Variants in WDR19 observed in about 807,000 individuals in gnomAD.
The protein encoded by WDR19 is WD repeat domain 19, also known as WD repeat-containing protein 19.
Under a neutral mutation model 180.0 loss-of-function variants are expected in WDR19, and 121 were observed. The ratio of observed to expected loss-of-function variants is 0.67; its 90% CI spans 0.58 to 0.78. The LOEUF (loss-of-function observed/expected upper bound fraction) is 0.78. Among genes scored for constraint, WDR19 ranks in the 30% least tolerant of loss-of-function variants. WDR19 has a pLI of 0.00. For missense variants in WDR19, 1,450 were observed against 1,640.7 expected (o/e 0.88, Z 2.01); for synonymous variants, 497 against 540.7 (o/e 0.92, Z 1.12).
chr4:39,238,703 A>G (rs1306591256), intron 20 of WDR19, among the ~76,000 whole-genome samples: 2 of 152,240 alleles, frequency 1.3e-5, no homozygotes. Context: ...GTCCTTGTAC[A>G]TTAATAGATG....
intron 5 of WDR19, among the ~76,000 whole-genome samples, chr4:39,196,445 C>A (rs1197655681): frequency 1.3e-4 from 20 of 152,132 alleles, no homozygotes. Context: ...ATTGTTAGGC[C>A]AATGTTTAGG....
chr4:39,240,280 T>C lies in WDR19; in HGVS notation c.2367T>C (p.Gly789=). The change falls in exon 21 of 37, where the codon GGT becomes GGC. Residue 789 remains glycine, a synonymous_variant. Transcript: ENST00000399820. ...TTCACTCTTATTTTTTTTTCAGGGGTGATTATGTAAATGCTTTGGCTCATT... is the reference window on the plus strand; with the variant it reads ...TTCACTCTTATTTTTTTTTCAGGGGCGATTATGTAAATGCTTTGGCTCATT... ...KEYAIQLEFA[G]DYVNALAHYE... The C allele has an allele frequency of 7.2e-7, 1 of 1,381,740 alleles. No individual in the cohort carries two copies. The highest frequency in any genetic ancestry group is 9.4e-7 in the Non-Finnish European group (1 of 1,062,644). The allele number at this position is 1,381,740 out of a possible 1,614,324, so 85.6% of individuals were successfully genotyped here.
At chr4:39,188,474 G>A (rs940696360) in intron 3 of WDR19, among the ~76,000 whole-genome samples, 2 of 151,738 alleles carry the variant, frequency 1.3e-5, no homozygotes, top group African/African-American at 4.8e-5. Context: ...CAGTACTTTA[G>A]GAGACTGAGG....
chr4:39,217,201 T>C lies in WDR19; in HGVS notation c.1317T>C (p.Tyr439=). The C allele has an allele frequency of 6.2e-7, 1 of 1,607,736 alleles. No homozygotes were observed. The highest frequency in any genetic ancestry group is 8.5e-7 in the Non-Finnish European group (1 of 1,177,126). Residue 439 remains tyrosine, a synonymous_variant, in exon 13 of 37, where the codon TAT becomes TAC. Transcript: ENST00000399820. ...CCAGTATTTGCCTTCATTCTGACTATGCTGCTGCACTTTTTGAAGGCAAAG... is the reference window on the plus strand; with the variant it reads ...CCAGTATTTGCCTTCATTCTGACTACGCTGCTGCACTTTTTGAAGGCAAAG... The part of the protein sequence containing the change: ...TVASICLHSD[Y]AAALFEGKVQ...
In WDR19 at chr4:39,270,063, C is replaced by A; in HGVS notation, c.3446C>A (p.Thr1149Asn). ...QKIKIPSEMA[T>N]NLMILHSYIL... ...ATCAAAATTCCCTCCGAGATGGCCA[C>A]CAACCTCATGATTCTGCACAGCTAT... is the stretch of plus-strand genomic sequence containing the variant. The change falls in exon 31 of 37, where the codon ACC becomes AAC. Residue 1149 changes from threonine to asparagine, a missense_variant. Coordinates refer to ENST00000399820, the MANE Select transcript of WDR19 (RefSeq NM_025132.4). 6.2e-7 allele frequency: 1 copy of A among 1,613,804 alleles called. No homozygotes were observed. Among genetic ancestry groups the A allele is most frequent in the East Asian group, 2.2e-5 (1 of 44,888 alleles).
chr4:39,201,219 C>A (rs1232540207), intron 6 of WDR19, among the ~76,000 whole-genome samples: 4 of 152,256 alleles, frequency 2.6e-5, no homozygotes, highest in East Asian at 1.9e-4. Context: ...CCCTCATCTG[C>A]ATGATTGAAG....
At chr4:39,216,597 G>A (rs1025653849) in intron 12 of WDR19, among the ~76,000 whole-genome samples, 10 of 152,178 alleles carry the variant, frequency 6.6e-5, no homozygotes, top group African/African-American at 1.9e-4. Context: ...AATAAAATGC[G>A]TGGTCTCACT....
At chr4:39,189,905 G>T in intron 4 of WDR19, 124 bp downstream of exon 4, 1 of 1,112,206 alleles carries the variant, frequency 9.0e-7, no homozygotes, top group Non-Finnish European at 1.2e-6. Context: ...TCATAGAAAA[G>T]GATTATTTTT....
At chr4:39,269,615 G>A (rs1735147389) in intron 30 of WDR19, among the ~76,000 whole-genome samples, 1 of 152,230 alleles carries the variant, frequency 6.6e-6, no homozygotes, top group African/African-American at 2.4e-5. Context: ...GGAGGCCGAG[G>A]AGGGTGGATT....
intron 33 of WDR19, chr4:39,275,262 C>T (rs151180132): frequency 1.2e-3 from 419 of 360,372 alleles, no homozygotes; most frequent in African/African-American, 7.9e-3. Context: ...ATTGCTTGAA[C>T]CCGGGAGGCA....
intron 19 of WDR19, among the ~76,000 whole-genome samples, chr4:39,234,526 A>G (rs1254388315): frequency 6.6e-6 from 1 of 152,204 alleles, no homozygotes; most frequent in Non-Finnish European, 1.5e-5. Context: ...GGAGGGCCAC[A>G]AACCATTATA....
In WDR19 at chr4:39,231,869, T is replaced by C. The variant is rs368336762; in HGVS notation, c.2055T>C (p.Cys685=). ...EAAWNELARA[C]LHHMEVEFAI... ...CCTGGAATGAGTTGGCCAGAGCTTG[T>C]CTACATCACATGGAAGTGGAGTTTG... The change falls in exon 18 of 37, where the codon TGT becomes TGC. Residue 685 remains cysteine, a synonymous_variant. Transcript: ENST00000399820. The C allele has an allele frequency of 1.5e-5, 25 of 1,613,176 alleles. No individual in the cohort carries two copies. In the African/African-American group the frequency reaches 3.2e-4, roughly 21 times the overall value.
chr4:39,268,733 T>C (rs1176628210), intron 30 of WDR19, among the ~76,000 whole-genome samples: 1 of 152,224 alleles, frequency 6.6e-6, no homozygotes, highest in African/African-American at 2.4e-5. Flanking sequence ...TCCTGTCAGA[T>C]GCGTGCTAGG....
At chr4:39,214,552 T>G in intron 9 of WDR19, 49 bp from the exon 10 acceptor site, 1 of 1,124,904 alleles carries the variant, frequency 8.9e-7, no homozygotes. Context: ...TAAAACAGTT[T>G]TATATAAAGA....
At chr4:39,220,560 A>ATTTTTTTTTTTTTTTTTT (rs142037096) in intron 14 of WDR19, among the ~76,000 whole-genome samples, 1 of 64,378 alleles carries the variant, frequency 1.6e-5, no homozygotes, top group African/African-American at 7.3e-5. Context: ...GACCTCCTTG[A>ATTTTTTTTTTTTTTTTTT]TTTTTTTTTT....
Position 39,277,079 on chromosome 4 carries a change from T to A in WDR19, c.3776T>A (p.Leu1259His). Residue 1259 changes from leucine to histidine, a missense_variant, in exon 34 of 37, where the codon CTT becomes CAT. Physicochemically the swap from Leu to His is moderately conservative, Grantham distance 99. Coordinates refer to ENST00000399820, the MANE Select transcript of WDR19 (RefSeq NM_025132.4). ...ACTCCATGTCCATTCTGCAAATTTC[T>A]TCTCCCAGAGTGTGAACTCCTCTGT... ...ATTPCPFCKF[L>H]LPECELLCPG... is the part of the protein sequence containing the mutation. The A allele has an allele frequency of 6.2e-7, 1 of 1,613,928 alleles. No homozygotes were observed. The highest frequency in any genetic ancestry group is 8.5e-7 in the Non-Finnish European group (1 of 1,179,822).
chr4:39,236,084 A>G (rs1185509092), intron 20 of WDR19, among the ~76,000 whole-genome samples: 1 of 152,252 alleles, frequency 6.6e-6, no homozygotes, highest in East Asian at 1.9e-4. Context: ...GAGATTTCTC[A>G]AAGAACTAAA....
chr4:39,246,620 C>A (rs1323505917), intron 24 of WDR19, among the ~76,000 whole-genome samples: 1 of 152,198 alleles, frequency 6.6e-6, no homozygotes, highest in African/African-American at 2.4e-5. Context: ...AAAGGGGTGA[C>A]AGACGGCACC....
intron 28 of WDR19, among the ~76,000 whole-genome samples, chr4:39,258,850 T>C (rs759839613): frequency 2.0e-5 from 3 of 152,098 alleles, no homozygotes; most frequent in Non-Finnish European, 4.4e-5. Flanking sequence ...AGTGGATCAC[T>C]TGAGGTCAGG....
Sources: allele counts gnomAD v4.1 joint callset (sites outside exome capture counted in the v4.1 genomes callset), GRCh38; gene constraint gnomAD v4.1.1; transcripts MANE v1.5; gene names NCBI Gene and HGNC (gene_info 2026-07-23, HGNC 2026-07-21).